NUP155: variants seen among roughly 807,000 people sequenced by gnomAD.
NUP155 encodes the protein nuclear pore complex protein Nup155.
Under a neutral mutation model 180.4 loss-of-function variants are expected in NUP155, and 71 were observed. The observed-to-expected ratio is 0.39, with a 90% CI of 0.33 to 0.48. The LOEUF (loss-of-function observed/expected upper bound fraction) is 0.48, where lower values mean the gene tolerates loss of function less well. Among genes scored for constraint, NUP155 ranks in the 20% least tolerant of loss-of-function variants. The pLI, the probability that NUP155 is intolerant of heterozygous loss-of-function variation, is 0.91. For synonymous variants in NUP155, 582 were observed against 559.5 expected, an observed-to-expected ratio of 1.04 and a Z score of -0.57; for missense variants, 1,553 against 1,648.9, an observed-to-expected ratio of 0.94 and a Z score of 1.01.
intron 30 of NUP155, among the ~76,000 whole-genome samples, chr5:37,300,711 C>T (rs575018969): frequency 1.6e-4 from 25 of 152,140 alleles, no homozygotes; most frequent in African/African-American, 5.5e-4. Flanking sequence ...GGCTGGAATG[C>T]AGTAGCACCA....
intron 1 of NUP155, among the ~76,000 whole-genome samples, chr5:37,365,933 A>T (rs1747558774): frequency 1.3e-5 from 2 of 152,008 alleles, no homozygotes; most frequent in South Asian, 4.2e-4. Context: ...CTATAAGCAA[A>T]CAAAATAATG....
At chr5:37,354,128 A>T (rs1746651936) in intron 4 of NUP155, among the ~76,000 whole-genome samples, 1 of 152,198 alleles carries the variant, frequency 6.6e-6, no homozygotes, top group Non-Finnish European at 1.5e-5. Flanking sequence ...TTTAGATTCT[A>T]TGTAAAGGAC....
At chr5:37,346,086 G>A (rs1236493658) in intron 9 of NUP155, among the ~76,000 whole-genome samples, 3 of 151,774 alleles carry the variant, frequency 2.0e-5, no homozygotes, top group Non-Finnish European at 4.4e-5. Flanking sequence ...AAAACAAAAA[G>A]GCTGAGCAAG....
In NUP155 at chr5:37,314,215, CAAT is replaced by C. The variant is rs769306531; in HGVS notation, c.2416_2418del (p.Ile806del). The C allele has an allele frequency of 3.2e-4, 508 of 1,608,542 alleles. No individual in the cohort carries two copies. The highest frequency in any genetic ancestry group is 4.2e-4 in the Non-Finnish European group (499 of 1,175,756). ...AAAATTACCTTCTGAAGTTCTGCCA[CAAT>C]GATAGTGAATTGATGTTCACAAAGA... On this transcript the variant is annotated inframe_deletion, in exon 22 of 35. Transcript: ENST00000231498.
chr5:37,337,829 T>A lies in NUP155; in HGVS notation c.1336A>T (p.Met446Leu), dbSNP rs1561795543. The A allele has an allele frequency of 6.2e-7, 1 of 1,601,470 alleles. No homozygotes were observed. The highest frequency in any genetic ancestry group is 2.2e-5 in the East Asian group (1 of 44,730). ...TCAGGATAACTTACCTGGGTTTCCA[T>A]CATTGGCTTTTGGAAAGGAAAAGTA... ...HDTFPFQKPM[M>L]ETQMTAGVDG... Residue 446 changes from methionine (M) to leucine (L), a missense_variant, in exon 12 of 35, where the codon ATG becomes TTG. Physicochemically the swap from Met to Leu is conservative, Grantham distance 15 (BLOSUM62 2). Coordinates refer to ENST00000231498, the MANE Select transcript of NUP155 (RefSeq NM_153485.3).
chr5:37,330,975 C>T (rs1744921586), intron 14 of NUP155, among the ~76,000 whole-genome samples: 1 of 151,640 alleles, frequency 6.6e-6, no homozygotes, highest in South Asian at 2.1e-4. Flanking sequence ...TGATGAAACC[C>T]CATCTCTACT....
At chr5:37,320,512 C>G (rs1050823272) in intron 20 of NUP155, among the ~76,000 whole-genome samples, 21 of 152,046 alleles carry the variant, frequency 1.4e-4, no homozygotes, top group African/African-American at 5.1e-4. Flanking sequence ...GAGAGATTAC[C>G]TTGTGCAGAG....
chr5:37,320,469 ACT>A (rs1186779786), intron 20 of NUP155, among the ~76,000 whole-genome samples: 1 of 152,174 alleles, frequency 6.6e-6, no homozygotes, highest in Non-Finnish European at 1.5e-5. Flanking sequence ...TAAGAGTGAA[ACT>A]CTGTCTCAAT....
chr5:37,359,683 C>T (rs1160626175), intron 3 of NUP155, among the ~76,000 whole-genome samples: 2 of 151,844 alleles, frequency 1.3e-5, no homozygotes, highest in African/African-American at 4.8e-5. Flanking sequence ...TTCTGGCTTT[C>T]AATAAGAAAT....
chr5:37,351,169 G>A (rs749691498), intron 6 of NUP155, 21 bp downstream of exon 6: 23 of 1,607,026 alleles, frequency 1.4e-5, no homozygotes, highest in Admixed American at 3.3e-5. Context: ...AAAAAAAAAC[G>A]TTTACAAATG....
intron 1 of NUP155, 69 bp downstream of exon 1, chr5:37,370,752 G>A: frequency 6.2e-7 from 1 of 1,613,208 alleles, no homozygotes; most frequent in Non-Finnish European, 8.5e-7. Flanking sequence ...CAACGCTGGG[G>A]ATAAGTAGCA....
At chr5:37,342,716 C>T (rs1745811596) in intron 9 of NUP155, 70 bp from the exon 10 acceptor site, 1 of 1,035,612 alleles carries the variant, frequency 9.7e-7, no homozygotes, top group Non-Finnish European at 1.5e-6. Flanking sequence ...TATTTCCCAT[C>T]AGAATGTTTA....
chr5:37,363,394 C>T (rs1467519279), intron 3 of NUP155, among the ~76,000 whole-genome samples: 4 of 152,154 alleles, frequency 2.6e-5, no homozygotes, highest in Non-Finnish European at 5.9e-5. Context: ...AGGGAGATCA[C>T]CAGACCAACA....
intron 9 of NUP155, 35 bp downstream of exon 9, chr5:37,348,470 G>C: frequency 7.9e-7 from 1 of 1,266,912 alleles, no homozygotes; most frequent in South Asian, 1.2e-5. Context: ...AATTATGCCT[G>C]CAAATGAAAT....
Position 37,325,913 on chromosome 5 carries a change from T to C in NUP155, c.2079A>G (p.Arg693=). 6.2e-7 allele frequency: 1 copy of C among 1,606,508 alleles called. No individual in the cohort carries two copies. Among genetic ancestry groups the C allele is most frequent in the Non-Finnish European group, 8.5e-7 (1 of 1,173,916 alleles). ...TATACACACTTACTGCAGTGATCTCTCTGTTGCCACTCTTGAATATTCTCT... is the reference window on the plus strand; with the variant it reads ...TATACACACTTACTGCAGTGATCTCCCTGTTGCCACTCTTGAATATTCTCT... The part of the protein sequence containing the change: ...VVERIFKSGN[R]EITAIESSVP... The change falls in exon 19 of 35, where the codon AGA becomes AGG. Residue 693 remains arginine (R), a synonymous_variant. Coordinates refer to ENST00000231498, the MANE Select transcript of NUP155 (RefSeq NM_153485.3).
intron 11 of NUP155, among the ~76,000 whole-genome samples, chr5:37,340,007 C>A (rs1244841982): frequency 6.6e-6 from 1 of 152,182 alleles, no homozygotes; most frequent in African/African-American, 2.4e-5. Context: ...GATCCACCTG[C>A]CTTTGCCTCC....
chr5:37,369,492 G>A (rs373510837), intron 1 of NUP155, among the ~76,000 whole-genome samples: 1 of 152,288 alleles, frequency 6.6e-6, no homozygotes, highest in East Asian at 1.9e-4. Flanking sequence ...AAAGAGGAAG[G>A]TGTGTGTAAA....
intron 10 of NUP155, among the ~76,000 whole-genome samples, chr5:37,341,731 G>A (rs1745737673): frequency 6.6e-6 from 1 of 152,018 alleles, no homozygotes; most frequent in Non-Finnish European, 1.5e-5. Flanking sequence ...TAGTAGAGAT[G>A]GGGTTTCACC....
chr5:37,306,441 CAT>C (rs1433387484), intron 25 of NUP155, among the ~76,000 whole-genome samples: 13 of 151,990 alleles, frequency 8.6e-5, no homozygotes, highest in Admixed American at 2.6e-4. Flanking sequence ...AAACACCCTC[CAT>C]ATATATATGT....
Sources: gnomAD v4.1 joint callset for allele counts (sites outside exome capture counted in the v4.1 genomes callset) on GRCh38, gnomAD v4.1.1 for gene constraint, MANE v1.5 for transcripts, NCBI Gene and HGNC (gene_info 2026-07-23, HGNC 2026-07-21) for gene names.